The following HNMT variants were observed in gnomAD, a reference collection of about 807,000 sequenced individuals.
HNMT encodes the protein histamine N-methyltransferase.
HNMT carries 30 observed loss-of-function variants against 32.1 expected under a neutral mutation model. The observed-to-expected ratio is 0.93, with a 90% CI of 0.70 to 1.27. The LOEUF is 1.27. HNMT is among the 50% of genes most tolerant of loss of function. HNMT has a pLI of 0.00. For missense variants in HNMT, 327 were observed against 346.0 expected (o/e 0.95, Z 0.43); for synonymous variants, 125 against 119.0 (o/e 1.05, Z -0.33).
chr2:137,964,812 C>T (rs1179150205), intron 1 of HNMT, among the ~76,000 whole-genome samples, 184 bp downstream of exon 1: 2 of 152,184 alleles, frequency 1.3e-5, no homozygotes, highest in African/African-American at 4.8e-5. Context: ...TTTGGTTCCA[C>T]GTTTGCTTTG....
chr2:138,007,211 G>A (rs1681354137), intron 5 of HNMT, among the ~76,000 whole-genome samples: 1 of 151,956 alleles, frequency 6.6e-6, no homozygotes, highest in Non-Finnish European at 1.5e-5. Context: ...CTTCGCAAAA[G>A]TAGAAGAAAG....
In HNMT at chr2:138,002,183, C is replaced by A. The variant is rs759221362; in HGVS notation, c.418C>A (p.His140Asn). The change falls in exon 4 of 6, where the codon CAT becomes AAT. Residue 140 changes from histidine (H) to asparagine (N), a missense_variant. Coordinates refer to ENST00000280097, the MANE Select transcript of HNMT (RefSeq NM_006895.3). Reference protein sequence around the residue: ...KKELQKWDFIHMIQMLYYVKD... With the variant: ...KKELQKWDFINMIQMLYYVKD... ...GGAGCTTCAAAAGTGGGACTTTATT[C>A]ATATGATTCAAGTAAGAAATATGTA... 3 of 1,566,294 alleles carry A rather than the reference C, an allele frequency of 1.9e-6. No individual in the cohort carries two copies.
intron 5 of HNMT, among the ~76,000 whole-genome samples, chr2:138,011,553 G>C (rs191559380): frequency 6.6e-6 from 1 of 152,116 alleles, no homozygotes; most frequent in Non-Finnish European, 1.5e-5. Context: ...GGGAACTTTA[G>C]CTTAATCCAT....
Position 138,014,077 on chromosome 2 carries a change from G to C in HNMT, c.826G>C (p.Glu276Gln). 1 of 1,610,388 alleles carries C rather than the reference G, an allele frequency of 6.2e-7. No individual in the cohort carries two copies. ...LQEPEFSAKK[E>Q]GKVLFNNTLS... ...AGAGCCTGAATTTAGTGCTAAGAAA[G>C]AGGGGAAGGTTCTTTTTAATAATAC... Residue 276 changes from glutamate (E) to glutamine (Q), a missense_variant, in exon 6 of 6, where the codon GAG becomes CAG. Coordinates refer to ENST00000280097, the MANE Select transcript of HNMT (RefSeq NM_006895.3).
chr2:137,995,186 T>C (rs1363102209), intron 2 of HNMT, among the ~76,000 whole-genome samples: 3 of 150,656 alleles, frequency 2.0e-5, no homozygotes. Context: ...TTAAAGGAGA[T>C]AGAGACCCAA....
intron 5 of HNMT, among the ~76,000 whole-genome samples, chr2:138,009,594 T>C (rs1245668889): frequency 6.6e-6 from 1 of 152,056 alleles, no homozygotes; most frequent in African/African-American, 2.4e-5. Flanking sequence ...TAGAAATATA[T>C]TGGTCAGCTT....
At chr2:137,982,974 A>T (rs115758940) in intron 2 of HNMT, among the ~76,000 whole-genome samples, 5,552 of 152,274 alleles carry the variant, frequency 0.036, 164 homozygotes, top group Non-Finnish European at 0.061. Flanking sequence ...TGAGGCTCAG[A>T]TGGTTTAAGA....
At chr2:138,011,813 TCTTTA>T (rs748511092) in intron 5 of HNMT, among the ~76,000 whole-genome samples, 4 of 152,112 alleles carry the variant, frequency 2.6e-5, no homozygotes, top group Admixed American at 6.6e-5. Flanking sequence ...GTTCTAAGGG[TCTTTA>T]CTTTATTAAC....
At chr2:137,974,185 G>C (rs554800010) in intron 2 of HNMT, among the ~76,000 whole-genome samples, 1 of 152,158 alleles carries the variant, frequency 6.6e-6, no homozygotes, top group African/African-American at 2.4e-5. Flanking sequence ...ACCAAACTTG[G>C]AAGTGTAAAG....
chr2:138,004,230 C>T (rs1681267650), intron 4 of HNMT, among the ~76,000 whole-genome samples: 1 of 152,052 alleles, frequency 6.6e-6, no homozygotes, highest in African/African-American at 2.4e-5. Flanking sequence ...TGCCTATGGT[C>T]CCTGTGGTGG....
intron 5 of HNMT, among the ~76,000 whole-genome samples, chr2:138,009,420 A>G (rs1397229306): frequency 6.6e-6 from 1 of 151,944 alleles, no homozygotes; most frequent in Non-Finnish European, 1.5e-5. Context: ...CTTTTGTTCT[A>G]TTTCTATCAC....
intron 2 of HNMT, among the ~76,000 whole-genome samples, chr2:137,976,280 CAAAA>C (rs370528168): frequency 7.2e-6 from 1 of 139,484 alleles, no homozygotes; most frequent in Non-Finnish European, 1.5e-5. Flanking sequence ...AAACAAAAAA[CAAAA>C]AAAAAAAAAC....
At chr2:138,000,467 A>AT (rs11406893) in intron 2 of HNMT, among the ~76,000 whole-genome samples, 41,941 of 151,070 alleles carry the variant, frequency 0.28, 6,389 homozygotes, top group African/African-American at 0.39. Context: ...TTAATCTGAC[A>AT]TTTTTTTGTA....
chr2:138,006,758 G>T (rs1483273473), intron 5 of HNMT, among the ~76,000 whole-genome samples: 1 of 151,878 alleles, frequency 6.6e-6, no homozygotes, highest in African/African-American at 2.4e-5. Context: ...TGTGAATTTG[G>T]TCTCTGCATC....
intron 2 of HNMT, among the ~76,000 whole-genome samples, chr2:137,979,644 C>A (rs185281020): frequency 6.6e-6 from 1 of 151,968 alleles, no homozygotes; most frequent in East Asian, 1.9e-4. Flanking sequence ...ATAGCCACTA[C>A]AAATAACACA....
chr2:137,971,424 C>T (rs1680134483), intron 2 of HNMT, among the ~76,000 whole-genome samples: 1 of 152,202 alleles, frequency 6.6e-6, no homozygotes, highest in Non-Finnish European at 1.5e-5. Context: ...GTGATCCACT[C>T]ACCTTGGCCT....
At chr2:137,969,750 A>G (rs1680066287) in intron 1 of HNMT, among the ~76,000 whole-genome samples, 1 of 152,292 alleles carries the variant, frequency 6.6e-6, no homozygotes, top group East Asian at 1.9e-4. Context: ...ACACTTGTTC[A>G]TTAAAAGGAA....
intron 5 of HNMT, among the ~76,000 whole-genome samples, chr2:138,005,490 T>C (rs1681305118): frequency 1.3e-5 from 2 of 152,112 alleles, no homozygotes; most frequent in Non-Finnish European, 2.9e-5. Context: ...ATCCTTTTTA[T>C]ATAGCTTAAA....
intron 2 of HNMT, among the ~76,000 whole-genome samples, chr2:137,986,206 T>G (rs1187933808): frequency 6.6e-6 from 1 of 150,878 alleles, no homozygotes. Flanking sequence ...TAGTAATTAG[T>G]CAGGGTTCTC....
Sources: gnomAD v4.1 joint callset for allele counts (sites outside exome capture counted in the v4.1 genomes callset) on GRCh38, gnomAD v4.1.1 for gene constraint, MANE v1.5 for transcripts, NCBI Gene and HGNC (gene_info 2026-07-23, HGNC 2026-07-21) for gene names.